Variants in NR3C1 observed in about 807,000 individuals in gnomAD.
NR3C1 encodes the protein nuclear receptor subfamily 3 group C member 1, also known as glucocorticoid receptor.
A neutral mutation model predicts 74.0 loss-of-function variants in NR3C1; 14 were observed. That is an observed-to-expected ratio of 0.19 (90% CI 0.12 to 0.30). The LOEUF is 0.30. Among genes scored for constraint, NR3C1 ranks in the 10% least tolerant of loss-of-function variants. NR3C1 has a pLI of 1.00. For missense variants in NR3C1, 695 were observed against 909.8 expected (o/e 0.76, Z 3.04); for synonymous variants, 308 against 332.5 (o/e 0.93, Z 0.80).
intron 4 of NR3C1, among the ~76,000 whole-genome samples, chr5:143,305,811 A>G (rs1176030385): frequency 1.3e-5 from 2 of 152,208 alleles, no homozygotes; most frequent in East Asian, 3.8e-4. Flanking sequence ...GAAAGGTTCA[A>G]TCATACTCCA....
chr5:143,434,290 A>T (rs1275459735), intron 1 of NR3C1, among the ~76,000 whole-genome samples: 1 of 152,214 alleles, frequency 6.6e-6, no homozygotes, highest in Non-Finnish European at 1.5e-5. Context: ...CATTGCCTAC[A>T]ATAGCACTTG....
intron 1 of NR3C1, among the ~76,000 whole-genome samples, chr5:143,401,792 C>T (rs776793907): frequency 6.6e-6 from 1 of 152,120 alleles, no homozygotes; most frequent in East Asian, 1.9e-4. Flanking sequence ...AACACAGAAC[C>T]GTAAAATCAC....
upstream of NR3C1, chr5:143,403,961 G>A: frequency 2.0e-6 from 2 of 985,236 alleles, no homozygotes; most frequent in Non-Finnish European, 2.4e-6. Flanking sequence ...GAAAAAGGGT[G>A]GCGGCGGCAG....
chr5:143,333,564 T>C (rs1420037800), intron 2 of NR3C1, among the ~76,000 whole-genome samples: 1 of 151,986 alleles, frequency 6.6e-6, no homozygotes, highest in Non-Finnish European at 1.5e-5. Context: ...GGTCAGGAGA[T>C]TGAGACCATC....
intron 6 of NR3C1, among the ~76,000 whole-genome samples, chr5:143,297,518 C>T (rs1291675641): frequency 1.3e-5 from 2 of 151,968 alleles, no homozygotes; most frequent in Non-Finnish European, 2.9e-5. Flanking sequence ...ATATATTTAC[C>T]AGTTAATTTA....
chr5:143,334,008 T>C lies in NR3C1; in HGVS notation c.1185-19840A>G, dbSNP rs551029564. Among the ~76,000 whole-genome samples the C allele has an allele frequency of 2.8e-3, 433 of 152,346 alleles. 4 individuals are homozygous for C. Among genetic ancestry groups the C allele is most frequent in the African/African-American group, 0.01 (418 of 41,572 alleles). ...AAGTGGAAGCATGCGTTTTGTTGTT[T>C]TGGGAATTTTTATCAAGTATCTTCA... is the stretch of plus-strand genomic sequence containing the variant. On this transcript the variant is annotated intron_variant, in intron 2 of 8. Transcript: ENST00000394464.
intron 2 of NR3C1, among the ~76,000 whole-genome samples, chr5:143,339,381 C>T (rs527299175): frequency 6.6e-6 from 1 of 152,284 alleles, no homozygotes; most frequent in African/African-American, 2.4e-5. Flanking sequence ...CTCTAATTCT[C>T]TTATCTTCTC....
At chr5:143,424,089 C>A (rs763116756) in intron 1 of NR3C1, among the ~76,000 whole-genome samples, 1 of 147,798 alleles carries the variant, frequency 6.8e-6, no homozygotes, top group African/African-American at 2.5e-5. Context: ...GGAGGGATAG[C>A]ATTGGGAGAT....
intron 7 of NR3C1, chr5:143,295,249 C>T (rs1816920063): frequency 1.0e-6 from 1 of 984,986 alleles, no homozygotes; most frequent in South Asian, 4.7e-5. Flanking sequence ...GCTCATATAC[C>T]TCTCTGTTTC....
intron 2 of NR3C1, chr5:143,376,017 A>G (rs1451402460): frequency 6.6e-6 from 1 of 152,182 alleles, no homozygotes; most frequent in Non-Finnish European, 1.5e-5. Context: ...TGAATTCTCA[A>G]TGTTATTTAG....
chr5:143,399,714 T>C lies in NR3C1; in HGVS notation c.1126A>G (p.Thr376Ala). The C allele has an allele frequency of 6.2e-7, 1 of 1,614,096 alleles. No homozygotes were observed. Among genetic ancestry groups the C allele is most frequent in the South Asian group, 1.1e-5 (1 of 91,072 alleles). ...RCQGSGDDNL[T>A]SLGTLNFPGR... Reference sequence around the variant, plus strand: ...GGGAAGTTCAGAGTCCCCAGAGAAGTCAAGTTGTCATCTCCAGATCCTTGG... The same window carrying C: ...GGGAAGTTCAGAGTCCCCAGAGAAGCCAAGTTGTCATCTCCAGATCCTTGG... The change falls in exon 2 of 9, where the codon ACT becomes GCT. Residue 376 changes from threonine to alanine, a missense_variant. Thr to Ala is a moderately conservative substitution (Grantham distance 58). This residue lies in a region of NR3C1 where 497 missense variants were observed against 489.5 expected (regional missense o/e 1.02). Coordinates refer to ENST00000394464, the MANE Select transcript of NR3C1 (RefSeq NM_000176.3).
chr5:143,387,971 T>C (rs1419217536), intron 2 of NR3C1, among the ~76,000 whole-genome samples: 1 of 152,226 alleles, frequency 6.6e-6, no homozygotes, highest in African/African-American at 2.4e-5. Flanking sequence ...TCTGCTTAAA[T>C]AATCTCAATT....
At chr5:143,313,920 G>A (rs1486747627) in intron 3 of NR3C1, 82 bp downstream of exon 3, 7 of 1,456,120 alleles carry the variant, frequency 4.8e-6, no homozygotes, top group African/African-American at 2.8e-5. Context: ...CATGGGCTTT[G>A]CATATAATGG....
At chr5:143,402,698 A>G in intron 1 of NR3C1, 1 of 985,186 alleles carries the variant, frequency 1.0e-6, no homozygotes, top group Non-Finnish European at 1.2e-6. Flanking sequence ...CCGCGTGTGC[A>G]CCCTCACGCG....
intron 4 of NR3C1, among the ~76,000 whole-genome samples, chr5:143,307,172 A>G (rs918980402): frequency 6.6e-6 from 1 of 152,230 alleles, no homozygotes; most frequent in Non-Finnish European, 1.5e-5. Flanking sequence ...CTGGGATTAC[A>G]GGCATGAGCC....
At chr5:143,343,243 C>G (rs937969110) in intron 2 of NR3C1, among the ~76,000 whole-genome samples, 7 of 152,212 alleles carry the variant, frequency 4.6e-5, no homozygotes, top group Non-Finnish European at 8.8e-5. Flanking sequence ...AGATATCTTT[C>G]TATCACCAAC....
chr5:143,434,813 T>C (rs1446944938), exon 1 of NR3C1: 1 of 985,340 alleles, frequency 1.0e-6, no homozygotes, highest in Non-Finnish European at 1.2e-6. Context: ...GAAATCTGAC[T>C]TAGATATGAC....
chr5:143,356,000 CAT>C lies in NR3C1; in HGVS notation c.1185-41834_1185-41833del, dbSNP rs61752274. ...ACCACAGAGAAGGAATGCCTAGAGA[CAT>C]AGAGTGTCTTTTCAAGATAGATCAA... is the stretch of plus-strand genomic sequence containing the variant. On this transcript the variant is annotated intron_variant, in intron 2 of 8. Transcript: ENST00000394464. 6.8e-3 allele frequency among the ~76,000 whole-genome samples: 1,036 copies of C among 152,254 alleles called. 19 individuals are homozygous for C. Among genetic ancestry groups the C allele is most frequent in the African/African-American group, 0.023 (969 of 41,550 alleles).
At chr5:143,401,115 C>G in intron 1 of NR3C1, 1 of 488,228 alleles carries the variant, frequency 2.0e-6, no homozygotes, top group South Asian at 2.2e-5. Context: ...CTAAGCTTGG[C>G]TATTCATCCT....
Sources: gnomAD v4.1 joint callset for allele counts (sites outside exome capture counted in the v4.1 genomes callset) on GRCh38, gnomAD v4.1.1 for gene constraint, gnomAD v4.1.1 regional missense constraint, MANE v1.5 for transcripts, NCBI Gene and HGNC (gene_info 2026-07-23, HGNC 2026-07-21) for gene names.